The following NPW variants were observed in gnomAD, a reference collection of about 807,000 sequenced individuals.
NPW encodes the protein neuropeptide W.
Under a neutral mutation model 9.9 loss-of-function variants are expected in NPW, and 8 were observed. That is an observed-to-expected ratio of 0.81 (90% CI 0.47 to 1.46). The LOEUF (loss-of-function observed/expected upper bound fraction) is 1.46, where lower values mean the gene tolerates loss of function less well. NPW is among the 40% of genes most tolerant of loss of function. The pLI is 0.00. For synonymous variants in NPW, 134 were observed against 119.9 expected, an observed-to-expected ratio of 1.12 and a Z score of -0.77; for missense variants, 287 against 240.3, an observed-to-expected ratio of 1.19 and a Z score of -1.28.
rs573812449 is a variant in NPW, at chr16:2,020,547, C to T, written c.426C>T (p.Asp142=). The T allele has an allele frequency of 6.2e-7, 1 of 1,608,018 alleles. No homozygotes were observed. The highest frequency in any genetic ancestry group is 8.5e-7 in the Non-Finnish European group (1 of 1,176,234). The change falls in exon 2 of 2, where the codon GAC becomes GAT. Residue 142 remains aspartate, a synonymous_variant. Coordinates refer to ENST00000566435, the MANE Select transcript of NPW (RefSeq NM_001099456.3). Reference sequence around the variant, plus strand: ...GTTCTCGTTAGAGACTTCGGAGAGACGTCTCCCGCCCAGCGGTGGACCCCG... The same window carrying T: ...GTTCTCGTTAGAGACTTCGGAGAGATGTCTCCCGCCCAGCGGTGGACCCCG...
At position 2,020,068 on chromosome 16, in the gene NPW, G is replaced by A. The variant is rs1220023845; in HGVS notation, c.167G>A (p.Arg56His). The change falls in exon 1 of 2, where the codon CGT becomes CAT. Residue 56 changes from arginine (R) to histidine (H), a missense_variant. Transcript: ENST00000566435. The stretch of plus-strand genomic sequence containing the variant: ...GCCGCTGGCCTGCTCATGGGGCTGC[G>A]TCGCTCACCCTATCTGTGGCGCCGC... 3.3e-6 allele frequency: 5 copies of A among 1,500,118 alleles called. No homozygotes were observed. The African/African-American group carries it at 7.2e-5, about 22-fold the overall frequency. 92.9% of individuals were successfully genotyped at this position (1,500,118 alleles called of 1,614,324 possible). A position where few individuals can be genotyped will look rare whatever the true frequency, so the allele number is the denominator to read the frequency against.
At position 2,020,173 on chromosome 16, in the gene NPW, T is replaced by C. The variant is rs1399556882; in HGVS notation, c.272T>C (p.Leu91Pro). Residue 91 changes from leucine to proline, a missense_variant, in exon 1 of 2, where the codon CTG becomes CCG. Leu to Pro is a moderately conservative substitution (Grantham distance 98). Transcript: ENST00000566435. ...GCAGCCCGCGAGGCTCCTCTCCTGC[T>C]GCCCTCGTGGGTTCAGGAGCTGTGG... 2 of 1,591,924 alleles carry C rather than the reference T, an allele frequency of 1.3e-6. No individual in the cohort carries two copies. The highest frequency in any genetic ancestry group is 1.7e-6 in the Non-Finnish European group (2 of 1,172,194).
intron 1 of NPW, 107 bp downstream of exon 1, chr16:2,020,419 T>C (rs2083831738): frequency 7.8e-7 from 1 of 1,276,532 alleles, no homozygotes; most frequent in Non-Finnish European, 1.1e-6. Flanking sequence ...GGCCCTTCCA[T>C]TCCCTGCTCC....
Position 2,020,081 on chromosome 16 carries a change from T to G in NPW, c.180T>G (p.Tyr60Ter). 6.7e-7 allele frequency: 1 copy of G among 1,498,144 alleles called. No homozygotes were observed. Among genetic ancestry groups the G allele is most frequent in the Non-Finnish European group, 8.8e-7 (1 of 1,132,572 alleles). 92.8% of individuals were successfully genotyped at this position (1,498,144 alleles called of 1,614,324 possible). The change falls in exon 1 of 2, where the codon TAT (tyrosine) becomes TAG (stop). Residue 60 changes from tyrosine (Y) to a stop codon, truncating the protein, a stop_gained. Transcript: ENST00000566435. LOFTEE classifies it high-confidence loss of function. ...TCATGGGGCTGCGTCGCTCACCCTA[T>G]CTGTGGCGCCGCGCGCTGCGCGCGG...
In NPW at chr16:2,020,631, G is replaced by T; in HGVS notation, c.*12G>T. 7 of 1,512,102 alleles carry T rather than the reference G, an allele frequency of 4.6e-6. No homozygotes were observed. The highest frequency in any genetic ancestry group is 6.3e-6 in the Non-Finnish European group (7 of 1,107,544). 93.7% of individuals were successfully genotyped at this position (1,512,102 alleles called of 1,614,324 possible). On this transcript the variant is annotated 3_prime_UTR_variant, in exon 2 of 2. Coordinates refer to ENST00000566435, the MANE Select transcript of NPW (RefSeq NM_001099456.3). ...CCGGACCGTTCTGACAGCGTCCCCC[G>T]CCCGCCCGTGGCGCCTCCGCGCCTG...
At position 2,020,596 on chromosome 16, in the gene NPW, T is replaced by TGCCTG. The variant is rs2083833238; in HGVS notation, c.479_483dup (p.Pro162TrpfsTer33). The stretch of plus-strand genomic sequence containing the variant: ...CGCAGCAAACCGCCTTGGCCTGCCC[T>TGCCTG]GCCTGGCCCCCGGACCGTTCTGACA... On this transcript the variant is annotated frameshift_variant, in exon 2 of 2. Transcript: ENST00000566435. LOFTEE classifies it high-confidence loss of function. 8 of 1,604,584 alleles carry TGCCTG rather than the reference T, an allele frequency of 5.0e-6. No homozygotes were observed. In the East Asian group the frequency reaches 1.8e-4, roughly 36 times the overall value.
In NPW at chr16:2,020,022, CG is replaced by C. The variant is rs1043374773; in HGVS notation, c.122del (p.Arg41ProfsTer152). ...GTGGTACAAGCACGTGGCGAGTCCC[CG>C]CTACCACACGGTGGGCCGCGCCGCT... On this transcript the variant is annotated frameshift_variant, in exon 1 of 2. Coordinates refer to ENST00000566435, the MANE Select transcript of NPW (RefSeq NM_001099456.3). LOFTEE classifies it high-confidence loss of function. 8.7e-6 allele frequency: 13 copies of C among 1,499,410 alleles called. No homozygotes were observed. The East Asian group carries it at 3.0e-4, about 34-fold the overall frequency. The allele number at this position is 1,499,410 out of a possible 1,614,324, so 92.9% of individuals were successfully genotyped here.
chr16:2,020,157 G>C lies in NPW; in HGVS notation c.256G>C (p.Glu86Gln), dbSNP rs753301737. 1.3e-6 allele frequency: 2 copies of C among 1,577,224 alleles called. No individual in the cohort carries two copies. Among genetic ancestry groups the C allele is most frequent in the East Asian group, 2.3e-5 (1 of 43,204 alleles). The change falls in exon 1 of 2, where the codon GAG becomes CAG. Residue 86 changes from glutamate (E) to glutamine (Q), a missense_variant. By Grantham distance (29) the Glu-to-Gln change is conservative. Transcript: ENST00000566435. ...CCTCTCCCCCGAACCCGCAGCCCGC[G>C]AGGCTCCTCTCCTGCTGCCCTCGTG...
Position 2,020,574 on chromosome 16 carries a change from A to G in NPW, c.453A>G (p.Ala151=), listed in dbSNP as rs1230630693. The change falls in exon 2 of 2, where the codon GCA becomes GCG. Residue 151 remains alanine, a synonymous_variant. Transcript: ENST00000566435. ...TCTCCCGCCCAGCGGTGGACCCCGC[A>G]GCAAACCGCCTTGGCCTGCCCTGCC... The G allele has an allele frequency of 5.0e-6, 8 of 1,609,786 alleles. No individual in the cohort carries two copies. In the Admixed American group the frequency reaches 1.2e-4, roughly 24 times the overall value.
chr16:2,020,113 G>A lies in NPW; in HGVS notation c.212G>A (p.Gly71Glu), dbSNP rs1204470488. 3 of 1,521,302 alleles carry A rather than the reference G, an allele frequency of 2.0e-6. No individual in the cohort carries two copies. The highest frequency in any genetic ancestry group is 4.8e-5 in the East Asian group (2 of 41,282). The allele number at this position is 1,521,302 out of a possible 1,614,324, so 94.2% of individuals were successfully genotyped here. A position where few individuals can be genotyped will look rare whatever the true frequency, so the allele number is the denominator to read the frequency against. Reference sequence around the variant, plus strand: ...CGCCGCGCGCTGCGCGCGGCCGCCGGGCCCCTGGCCAGGGACACCCTCTCC... The same window carrying A: ...CGCCGCGCGCTGCGCGCGGCCGCCGAGCCCCTGGCCAGGGACACCCTCTCC... The change falls in exon 1 of 2, where the codon GGG (glycine) becomes GAG (glutamate). Residue 71 changes from glycine to glutamate, a missense_variant. Gly to Glu is a moderately conservative substitution (Grantham distance 98, BLOSUM62 -2). Transcript: ENST00000566435.
At position 2,020,259 on chromosome 16, in the gene NPW, G is replaced by A. The variant is rs2083830672; in HGVS notation, c.358G>A (p.Ala120Thr). ...CGTCCGTGCGCCCCGGAGCCCGCGC[G>A]CCCCAGAGCCTGCGCTGGAACCGGA... The change falls in exon 1 of 2, where the codon GCC (alanine) becomes ACC (threonine). Residue 120 changes from alanine to threonine, a missense_variant. Ala to Thr is a moderately conservative substitution (Grantham distance 58). Transcript: ENST00000566435. The A allele has an allele frequency of 1.3e-6, 2 of 1,545,466 alleles. No homozygotes were observed. The highest frequency in any genetic ancestry group is 1.2e-5 in the South Asian group (1 of 84,484).
In NPW at chr16:2,020,046, G is replaced by A. The variant is rs1227394774; in HGVS notation, c.145G>A (p.Ala49Thr). 4.7e-6 allele frequency: 7 copies of A among 1,504,376 alleles called. No homozygotes were observed. Among genetic ancestry groups the A allele is most frequent in the Non-Finnish European group, 6.2e-6 (7 of 1,133,118 alleles). The allele number at this position is 1,504,376 out of a possible 1,614,324, so 93.2% of individuals were successfully genotyped here. Reference sequence around the variant, plus strand: ...CCGCTACCACACGGTGGGCCGCGCCGCTGGCCTGCTCATGGGGCTGCGTCG... The same window carrying A: ...CCGCTACCACACGGTGGGCCGCGCCACTGGCCTGCTCATGGGGCTGCGTCG... The change falls in exon 1 of 2, where the codon GCT becomes ACT. Residue 49 changes from alanine (A) to threonine (T), a missense_variant. Ala to Thr is a moderately conservative substitution (Grantham distance 58, BLOSUM62 0). Transcript: ENST00000566435.
rs1053036373 is a variant in NPW, at chr16:2,019,888, T to C, written c.-14T>C. 14 of 1,221,184 alleles carry C rather than the reference T, an allele frequency of 1.1e-5. No homozygotes were observed. In the Admixed American group the frequency reaches 6.1e-4, roughly 53 times the overall value. 75.6% of individuals were successfully genotyped at this position (1,221,184 alleles called of 1,614,324 possible). ...CGTGGCCCGCCCCGCCGGGCGGCCG[T>C]CGACGCGAGCGCCCTGGCGTGGCGC... is the stretch of plus-strand genomic sequence containing the variant. On this transcript the variant is annotated 5_prime_UTR_variant, in exon 1 of 2. Coordinates refer to ENST00000566435, the MANE Select transcript of NPW (RefSeq NM_001099456.3).
Position 2,020,325 on chromosome 16 carries a change from G to A in NPW, c.411+13G>A. On this transcript the variant is annotated intron_variant, in intron 1 of 1. Transcript: ENST00000566435. Reference sequence around the variant, plus strand: ...CGGAGCTGGCCAGGTACGTGAGAGGGGAGAGGCCTGGACCGCCGCGGGCAA... The same window carrying A: ...CGGAGCTGGCCAGGTACGTGAGAGGAGAGAGGCCTGGACCGCCGCGGGCAA... 6.8e-7 allele frequency: 1 copy of A among 1,461,634 alleles called. No individual in the cohort carries two copies. Among genetic ancestry groups the A allele is most frequent in the Non-Finnish European group, 9.1e-7 (1 of 1,104,234 alleles). The allele number at this position is 1,461,634 out of a possible 1,614,324, so 90.5% of individuals were successfully genotyped here. A position where few individuals can be genotyped will look rare whatever the true frequency, so the allele number is the denominator to read the frequency against.
At position 2,020,416 on chromosome 16, in the gene NPW, C is replaced by G. The variant is rs950755626; in HGVS notation, c.411+104C>G. On this transcript the variant is annotated intron_variant, in intron 1 of 1. Coordinates refer to ENST00000566435, the MANE Select transcript of NPW (RefSeq NM_001099456.3). ...GTTCAGGGGGCACCCTCGGGCCCTT[C>G]CATTCCCTGCTCCGCGCCCAGAAGA... The G allele has an allele frequency of 1.0e-5, 13 of 1,285,096 alleles. No individual in the cohort carries two copies. The Admixed American group carries it at 1.1e-4, about 11-fold the overall frequency. 79.6% of individuals were successfully genotyped at this position (1,285,096 alleles called of 1,614,324 possible).
chr16:2,020,005 A>G lies in NPW; in HGVS notation c.104A>G (p.Lys35Arg), dbSNP rs1463875740. The G allele has an allele frequency of 6.7e-7, 1 of 1,493,350 alleles. No individual in the cohort carries two copies. The highest frequency in any genetic ancestry group is 8.9e-7 in the Non-Finnish European group (1 of 1,127,396). 92.5% of individuals were successfully genotyped at this position (1,493,350 alleles called of 1,614,324 possible). ...CCGCTGCCCTCCGGCGCGTGGTACA[A>G]GCACGTGGCGAGTCCCCGCTACCAC... The change falls in exon 1 of 2, where the codon AAG becomes AGG. Residue 35 changes from lysine to arginine, a missense_variant. Coordinates refer to ENST00000566435, the MANE Select transcript of NPW (RefSeq NM_001099456.3).
In NPW at chr16:2,020,082, C is replaced by T. The variant is rs765418169; in HGVS notation, c.181C>T (p.Leu61=). Residue 61 remains leucine (L), a synonymous_variant, in exon 1 of 2, where the codon CTG becomes TTG. Coordinates refer to ENST00000566435, the MANE Select transcript of NPW (RefSeq NM_001099456.3). Reference sequence around the variant, plus strand: ...CATGGGGCTGCGTCGCTCACCCTATCTGTGGCGCCGCGCGCTGCGCGCGGC... The same window carrying T: ...CATGGGGCTGCGTCGCTCACCCTATTTGTGGCGCCGCGCGCTGCGCGCGGC... 3.3e-6 allele frequency: 5 copies of T among 1,500,204 alleles called. No individual in the cohort carries two copies. The highest frequency in any genetic ancestry group is 4.4e-6 in the Non-Finnish European group (5 of 1,133,870). The allele number at this position is 1,500,204 out of a possible 1,614,324, so 92.9% of individuals were successfully genotyped here.
chr16:2,020,708 G>A lies in NPW; in HGVS notation c.*89G>A. ...CAGGAGCCGCTCATAGACCCCGCCT[G>A]CCGTCCGGTCAATAAAATCCGCCTG... On this transcript the variant is annotated 3_prime_UTR_variant, in exon 2 of 2. Coordinates refer to ENST00000566435, the MANE Select transcript of NPW (RefSeq NM_001099456.3). 2.7e-6 allele frequency: 2 copies of A among 738,700 alleles called. No individual in the cohort carries two copies. The highest frequency in any genetic ancestry group is 3.5e-5 in the South Asian group (2 of 57,320). 45.8% of individuals were successfully genotyped at this position (738,700 alleles called of 1,614,324 possible). A position where few individuals can be genotyped will look rare whatever the true frequency, so the allele number is the denominator to read the frequency against.
In NPW at chr16:2,020,683, C is replaced by A; in HGVS notation, c.*64C>A. 1 of 1,068,130 alleles carries A rather than the reference C, an allele frequency of 9.4e-7. No individual in the cohort carries two copies. Among genetic ancestry groups the A allele is most frequent in the Non-Finnish European group, 1.4e-6 (1 of 728,482 alleles). 66.2% of individuals were successfully genotyped at this position (1,068,130 alleles called of 1,614,324 possible). ...CCCAGGAGGAGTGGCCGCGCGCTTC[C>A]AGGAGCCGCTCATAGACCCCGCCTG... On this transcript the variant is annotated 3_prime_UTR_variant, in exon 2 of 2. Transcript: ENST00000566435.
Sources: allele counts gnomAD v4.1 joint callset, GRCh38; gene constraint gnomAD v4.1.1; transcripts MANE v1.5; gene names NCBI Gene and HGNC (gene_info 2026-07-23, HGNC 2026-07-21).